LRIG2: variants seen among roughly 807,000 people sequenced by gnomAD.
LRIG2 encodes the protein leucine rich repeats and immunoglobulin like domains 2.
In LRIG2, 93 loss-of-function variants were observed where a neutral mutation model predicts 107.8. The observed-to-expected ratio is 0.86, with a 90% CI of 0.73 to 1.03. The LOEUF is 1.03. LRIG2 is among the 50% of genes least tolerant of loss of function. LRIG2 has a pLI of 0.00. For missense variants in LRIG2, 1,226 were observed against 1,296.0 expected, an observed-to-expected ratio of 0.95 and a Z score of 0.83; for synonymous variants, 471 against 470.6, an observed-to-expected ratio of 1.00 and a Z score of -0.01.
chr1:113,094,256 G>T (rs1413297651), intron 4 of LRIG2, 83 bp from the exon 5 acceptor site: 11 of 948,744 alleles, frequency 1.2e-5, no homozygotes, highest in Non-Finnish European at 1.6e-5. Flanking sequence ...TGGGGGCTTA[G>T]ACATAGATTT....
At chr1:113,121,841 A>C (rs573605000) in intron 17 of LRIG2, among the ~76,000 whole-genome samples, 1 of 152,156 alleles carries the variant, frequency 6.6e-6, no homozygotes, top group East Asian at 1.9e-4. Context: ...GGCAGGAGTG[A>C]ATAATCTAAT....
rs1655616704 is a variant in LRIG2 at position 113,129,367 on chromosome 1, CCTT to C, written c.*5269_*5271del. On this transcript the variant is annotated 3_prime_UTR_variant, in exon 18 of 18. Transcript: ENST00000361127. ...ACTGCCTCTCTGCTCTAGCAGTGGT[CCTT>C]CTACTGACAGTGCTGTCAGAGTCTG... The C allele has an allele frequency of 6.7e-6, 1 of 149,520 alleles. No individual in the cohort carries two copies. Among genetic ancestry groups the C allele is most frequent in the African/African-American group, 2.5e-5 (1 of 40,654 alleles). The allele number at this position is 149,520 out of a possible 1,614,324, so 9.3% of individuals were successfully genotyped here.
intron 17 of LRIG2, among the ~76,000 whole-genome samples, chr1:113,120,564 G>GC (rs1655206229): frequency 6.8e-6 from 1 of 147,884 alleles, no homozygotes; most frequent in Non-Finnish European, 1.5e-5. Flanking sequence ...AAGCTGGAGT[G>GC]CAATGATGCC....
At chr1:113,083,218 C>CT (rs11321902) in intron 1 of LRIG2, among the ~76,000 whole-genome samples, 8,526 of 112,272 alleles carry the variant, frequency 0.076, 817 homozygotes, top group African/African-American at 0.21. Context: ...CTACTGCACA[C>CT]TTTTTTTTTT....
intron 2 of LRIG2, among the ~76,000 whole-genome samples, chr1:113,092,329 C>T: frequency 6.6e-6 from 1 of 152,150 alleles, no homozygotes; most frequent in East Asian, 1.9e-4. Flanking sequence ...AGATTTGCTA[C>T]TAAAACATTT....
rs1007208403 is a variant in LRIG2 at position 113,125,115 on chromosome 1, G to A, written c.*1014G>A. On this transcript the variant is annotated 3_prime_UTR_variant, in exon 18 of 18. Transcript: ENST00000361127. ...CGGGAAATCAAGGCTGCAGTGAGCT[G>A]TGTGAAGCCACTGCATCCCAGCCTG... 1.3e-5 allele frequency: 2 copies of A among 152,188 alleles called. No individual in the cohort carries two copies. Among genetic ancestry groups the A allele is most frequent in the Non-Finnish European group, 2.9e-5 (2 of 68,030 alleles). 9.4% of individuals were successfully genotyped at this position (152,188 alleles called of 1,614,324 possible).
rs1557902240 is a variant in LRIG2 at position 113,091,325 on chromosome 1, A to C, written c.247A>C (p.Ser83Arg). 6.2e-7 allele frequency: 1 copy of C among 1,600,990 alleles called. No individual in the cohort carries two copies. Among genetic ancestry groups the C allele is most frequent in the East Asian group, 2.2e-5 (1 of 44,576 alleles). The stretch of plus-strand genomic sequence containing the variant: ...TATTTTGTCCTCTTTCAGGGATTTC[A>C]GTCATAATCGGTTGTCTAACTGGAA... ...LPPDTAILDFSHNRLSNWNIS... is the reference protein window; with the variant it reads ...LPPDTAILDFRHNRLSNWNIS... The change falls in exon 2 of 18, where the codon AGT becomes CGT. Residue 83 changes from serine to arginine, a missense_variant. Around this residue, in one of 3 missense-constraint regions of LRIG2, gnomAD observed 570 missense variants for 550.2 expected, o/e 1.04. Transcript: ENST00000361127.
intron 1 of LRIG2, among the ~76,000 whole-genome samples, chr1:113,082,023 T>A (rs555650339): frequency 6.6e-6 from 1 of 152,144 alleles, no homozygotes; most frequent in Non-Finnish European, 1.5e-5. Context: ...CTAAACCAAA[T>A]TGGGCATGAG....
intron 1 of LRIG2, among the ~76,000 whole-genome samples, chr1:113,088,414 C>T (rs2101027979): frequency 6.6e-6 from 1 of 152,204 alleles, no homozygotes; most frequent in Non-Finnish European, 1.5e-5. Flanking sequence ...AATTGAGTTT[C>T]ATTTTATTGC....
In LRIG2 at chr1:113,096,488, T is replaced by C. The variant is rs182236190; in HGVS notation, c.1091+123T>C. ...ATGCTAACATTTTGTGGTTCTTCTG[T>C]CCTATGCCTCAGAGCAAGGCAGTCT... is the stretch of plus-strand genomic sequence containing the variant. On this transcript the variant is annotated intron_variant, in intron 8 of 17. Transcript: ENST00000361127. 4,352 of 1,027,514 alleles carry C rather than the reference T, an allele frequency of 4.2e-3. 20 individuals carry two copies. Among genetic ancestry groups the C allele is most frequent in the Non-Finnish European group, 5.3e-3 (3,680 of 700,754 alleles). 63.6% of individuals were successfully genotyped at this position (1,027,514 alleles called of 1,614,324 possible). A position where few individuals can be genotyped will look rare whatever the true frequency, so the allele number is the denominator to read the frequency against.
rs1655457979 is a variant in LRIG2, at chr1:113,125,587, G to A, written c.*1486G>A. 1.3e-5 allele frequency: 2 copies of A among 152,210 alleles called. No individual in the cohort carries two copies. Among genetic ancestry groups the A allele is most frequent in the African/African-American group, 4.8e-5 (2 of 41,444 alleles). 9.4% of individuals were successfully genotyped at this position (152,210 alleles called of 1,614,324 possible). The stretch of plus-strand genomic sequence containing the variant: ...ATGAACGCTTCAAAAACTGGAGGCT[G>A]ATTTAAAGATTGCAGAACTTGAGTC... On this transcript the variant is annotated 3_prime_UTR_variant, in exon 18 of 18. Coordinates refer to ENST00000361127, the MANE Select transcript of LRIG2 (RefSeq NM_014813.3).
rs921324334 is a variant in LRIG2 at position 113,105,682 on chromosome 1, G to T, written c.1314-1912G>T. On this transcript the variant is annotated intron_variant, in intron 11 of 17. Transcript: ENST00000361127. ...AATCCCAGATACTCAGAAAGCTCAG[G>T]TGGGAGGATCCTCTGAGTCCAGGAG... Among the ~76,000 whole-genome samples, 14 of 152,296 alleles carry T rather than the reference G, an allele frequency of 9.2e-5. No homozygotes were observed. In the South Asian group the frequency reaches 2.7e-3, roughly 29 times the overall value.
chr1:113,085,377 G>T (rs530268972), intron 1 of LRIG2, among the ~76,000 whole-genome samples: 1 of 152,122 alleles, frequency 6.6e-6, no homozygotes, highest in African/African-American at 2.4e-5. Context: ...TCCGCCTCCC[G>T]GGTTCAAGTG....
Position 113,127,780 on chromosome 1 carries a change from C to G in LRIG2, c.*3679C>G, listed in dbSNP as rs1305090310. 6.6e-6 allele frequency: 1 copy of G among 151,994 alleles called. No homozygotes were observed. Among genetic ancestry groups the G allele is most frequent in the African/African-American group, 2.4e-5 (1 of 41,356 alleles). 9.4% of individuals were successfully genotyped at this position (151,994 alleles called of 1,614,324 possible). ...ACGGGGTTTCTCCATGTTGGTCAGG[C>G]TGGCCTCGAACTCCTGACCTCAGGT... On this transcript the variant is annotated 3_prime_UTR_variant, in exon 18 of 18. Coordinates refer to ENST00000361127, the MANE Select transcript of LRIG2 (RefSeq NM_014813.3).
Position 113,094,417 on chromosome 1 carries a change from G to A in LRIG2, c.594G>A (p.Lys198=), listed in dbSNP as rs751668174. 10 of 1,613,406 alleles carry A rather than the reference G, an allele frequency of 6.2e-6. No homozygotes were observed. The African/African-American group carries it at 1.3e-4, about 22-fold the overall frequency. ...DNLSSSLLVV[K]LNRNRMSMIP... ...TATCAAGTTCCTTATTAGTGGTAAA[G>A]TTAAACCGTAACCGAATGAGCATGA... The change falls in exon 5 of 18, where the codon AAG becomes AAA. Residue 198 remains lysine, a synonymous_variant. Transcript: ENST00000361127.
At chr1:113,111,267 C>T (rs761813652) in intron 13 of LRIG2, among the ~76,000 whole-genome samples, 2 of 152,186 alleles carry the variant, frequency 1.3e-5, no homozygotes, top group Non-Finnish European at 2.9e-5. Flanking sequence ...GACTCCTGAG[C>T]GCAAGTGATC....
At chr1:113,115,749 A>G (rs1261921474) in intron 15 of LRIG2, among the ~76,000 whole-genome samples, 1 of 151,874 alleles carries the variant, frequency 6.6e-6, no homozygotes, top group African/African-American at 2.4e-5. Flanking sequence ...GATGGTCTCA[A>G]TCTTTTGACC....
chr1:113,076,365 T>A (rs1652985127), intron 1 of LRIG2, among the ~76,000 whole-genome samples: 1 of 152,244 alleles, frequency 6.6e-6, no homozygotes, highest in East Asian at 1.9e-4. Context: ...AGTAATTTTA[T>A]GTAAGATATA....
Position 113,116,388 on chromosome 1 carries a change from C to A in LRIG2, c.2632C>A (p.Gln878Lys). 1 of 1,613,946 alleles carries A rather than the reference C, an allele frequency of 6.2e-7. No homozygotes were observed. The highest frequency in any genetic ancestry group is 1.3e-5 in the African/African-American group (1 of 75,060). Residue 878 changes from glutamine (Q) to lysine (K), a missense_variant, in exon 16 of 18, where the codon CAG (glutamine) becomes AAG (lysine). Physicochemically the swap from Gln to Lys is moderately conservative, Grantham distance 53. Around this residue, in one of 3 missense-constraint regions of LRIG2, gnomAD observed 642 missense variants for 712.2 expected, o/e 0.90. Coordinates refer to ENST00000361127, the MANE Select transcript of LRIG2 (RefSeq NM_014813.3). ...GYSNSEAGSH[Q>K]QLMPPANGYI... The stretch of plus-strand genomic sequence containing the variant: ...CAGCAACTCTGAGGCAGGCAGTCAT[C>A]AGCAACTTATGCCTCCTGCCAATGG...
Sources: allele counts gnomAD v4.1 joint callset (sites outside exome capture counted in the v4.1 genomes callset), GRCh38; gene constraint gnomAD v4.1.1; regional missense constraint gnomAD v4.1.1; transcripts MANE v1.5; gene names NCBI Gene and HGNC (gene_info 2026-07-23, HGNC 2026-07-21).